The following FAM107B variants were observed in gnomAD, a reference collection of about 807,000 sequenced individuals.
FAM107B encodes the protein protein FAM107B.
FAM107B carries 21 observed loss-of-function variants against 31.5 expected under a neutral mutation model. The ratio of observed to expected loss-of-function variants is 0.67; its 90% CI spans 0.47 to 0.96. FAM107B has a LOEUF of 0.96. Ranked by LOEUF, FAM107B falls within the 40% of genes least tolerant of loss-of-function variation. FAM107B has a pLI of 0.00. For synonymous variants in FAM107B, 157 were observed against 141.5 expected (o/e 1.11, Z -0.78); for missense variants, 452 against 377.1 (o/e 1.20, Z -1.64).
intron 1 of FAM107B, among the ~76,000 whole-genome samples, chr10:14,701,115 T>A (rs778039876): frequency 6.6e-6 from 1 of 152,236 alleles, no homozygotes; most frequent in Non-Finnish European, 1.5e-5. Flanking sequence ...TGTCCTAATT[T>A]CACCTTATGT....
intron 2 of FAM107B, among the ~76,000 whole-genome samples, chr10:14,660,948 A>G (rs1313395291): frequency 6.6e-6 from 1 of 152,172 alleles, no homozygotes; most frequent in Non-Finnish European, 1.5e-5. Flanking sequence ...GCCTGGCAGG[A>G]GGTGACTGGA....
chr10:14,629,745 C>G (rs1008339554), intron 2 of FAM107B, among the ~76,000 whole-genome samples: 1 of 150,620 alleles, frequency 6.6e-6, no homozygotes, highest in Admixed American at 6.7e-5. Flanking sequence ...GATCTCCTGA[C>G]CTCATGATCT....
intron 1 of FAM107B, 67 bp downstream of exon 1, chr10:14,774,186 C>T: frequency 2.0e-6 from 3 of 1,531,404 alleles, no homozygotes; most frequent in South Asian, 2.6e-5. Flanking sequence ...CTGAAACATT[C>T]GCCACATGAT....
intron 1 of FAM107B, among the ~76,000 whole-genome samples, chr10:14,685,523 C>T (rs1854962876): frequency 6.6e-6 from 1 of 152,114 alleles, no homozygotes; most frequent in African/African-American, 2.4e-5. Context: ...CCCACAGACA[C>T]ACAACCATAA....
intron 2 of FAM107B, among the ~76,000 whole-genome samples, chr10:14,567,860 C>T (rs1439929316): frequency 2.6e-5 from 4 of 152,134 alleles, no homozygotes; most frequent in African/African-American, 9.7e-5. Context: ...AGGGTAACCT[C>T]CTCCTCCTAG....
rs1845498928 is a variant in FAM107B at position 14,520,169 on chromosome 10, T to C, written c.*1021A>G. ...AAGCTTGGATTCTAATGATATGCAT[T>C]ATCATTAGACATTCAAATGCTATAC... On this transcript the variant is annotated 3_prime_UTR_variant, in exon 5 of 5. Transcript: ENST00000181796. 1 of 152,478 alleles carries C rather than the reference T, an allele frequency of 6.6e-6. No individual in the cohort carries two copies. The highest frequency in any genetic ancestry group is 1.5e-5 in the Non-Finnish European group (1 of 68,042). The allele number at this position is 152,478 out of a possible 1,614,324, so 9.4% of individuals were successfully genotyped here. A position where few individuals can be genotyped will look rare whatever the true frequency, so the allele number is the denominator to read the frequency against.
At position 14,723,863 on chromosome 10, in the gene FAM107B, C is replaced by T. The variant is rs145603472; in HGVS notation, c.411+50390G>A. 2.9e-4 allele frequency: 221 copies of T among 754,264 alleles called. No homozygotes were observed. The East Asian group carries it at 3.6e-3, about 12-fold the overall frequency. The allele number at this position is 754,264 out of a possible 1,614,324, so 46.7% of individuals were successfully genotyped here. On this transcript the variant is annotated intron_variant, in intron 1 of 4. Transcript: ENST00000181796. ...TCAGCAGGGTTTTCAATGGCAACAA[C>T]GGCATGAACTGCCAGCAGAAGCTTC...
At chr10:14,640,172 G>C (rs1339942543) in intron 2 of FAM107B, among the ~76,000 whole-genome samples, 1 of 152,208 alleles carries the variant, frequency 6.6e-6, no homozygotes, top group Non-Finnish European at 1.5e-5. Flanking sequence ...CAGCCTTTGA[G>C]ATGAGGACTA....
At chr10:14,554,164 T>C (rs983613390) in intron 2 of FAM107B, 1 of 983,508 alleles carries the variant, frequency 1.0e-6, no homozygotes, top group African/African-American at 1.7e-5. Flanking sequence ...AAATGGGCTT[T>C]TTCTTTATCT....
chr10:14,766,322 A>C (rs1250775647), intron 1 of FAM107B, among the ~76,000 whole-genome samples: 4 of 152,230 alleles, frequency 2.6e-5, no homozygotes, highest in Non-Finnish European at 5.9e-5. Context: ...AGGAGAGCAA[A>C]GGAAAAGTTA....
At chr10:14,695,682 C>A (rs1430159464) in intron 1 of FAM107B, among the ~76,000 whole-genome samples, 1 of 152,112 alleles carries the variant, frequency 6.6e-6, no homozygotes, top group African/African-American at 2.4e-5. Context: ...TTATAGTTTT[C>A]AGTGTACAAA....
intron 1 of FAM107B, among the ~76,000 whole-genome samples, chr10:14,754,186 G>C (rs186813794): frequency 1.3e-5 from 2 of 152,114 alleles, no homozygotes; most frequent in African/African-American, 4.8e-5. Flanking sequence ...TGATCCACCC[G>C]TGTCAGCCTC....
At chr10:14,649,885 A>G (rs1853856175) in intron 2 of FAM107B, among the ~76,000 whole-genome samples, 1 of 152,222 alleles carries the variant, frequency 6.6e-6, no homozygotes, top group South Asian at 2.1e-4. Flanking sequence ...ACCATTACAC[A>G]TAATAAGGGC....
At chr10:14,748,902 C>G (rs1358094329) in intron 1 of FAM107B, among the ~76,000 whole-genome samples, 1 of 152,234 alleles carries the variant, frequency 6.6e-6, no homozygotes, top group African/African-American at 2.4e-5. Flanking sequence ...CTGAGCAACC[C>G]CCAGAGGGAC....
At chr10:14,752,435 G>A (rs1027830504) in intron 1 of FAM107B, among the ~76,000 whole-genome samples, 4 of 152,190 alleles carry the variant, frequency 2.6e-5, no homozygotes, top group African/African-American at 9.7e-5. Flanking sequence ...CGAGTGTTTT[G>A]CTTCTTTTCT....
intron 2 of FAM107B, among the ~76,000 whole-genome samples, chr10:14,553,709 A>C (rs866094751): frequency 6.6e-6 from 1 of 152,252 alleles, no homozygotes; most frequent in Non-Finnish European, 1.5e-5. Flanking sequence ...TGAGAAACTC[A>C]GCCCAGCTCT....
intron 1 of FAM107B, among the ~76,000 whole-genome samples, chr10:14,763,457 C>T (rs1468572337): frequency 6.6e-6 from 1 of 152,152 alleles, no homozygotes; most frequent in Non-Finnish European, 1.5e-5. Flanking sequence ...CCCCACGTGC[C>T]TCTAATTGTT....
At chr10:14,720,984 T>C (rs1177989220) in intron 1 of FAM107B, among the ~76,000 whole-genome samples, 3 of 152,108 alleles carry the variant, frequency 2.0e-5, no homozygotes, top group African/African-American at 7.2e-5. Context: ...CCCAATGCTA[T>C]CCCTCCCCCA....
chr10:14,747,678 G>A (rs1334913163), intron 1 of FAM107B, among the ~76,000 whole-genome samples: 2 of 152,114 alleles, frequency 1.3e-5, no homozygotes, highest in African/African-American at 4.8e-5. Flanking sequence ...CCTTCCTCTG[G>A]GATCTCTGTC....
Sources: allele counts gnomAD v4.1 joint callset (sites outside exome capture counted in the v4.1 genomes callset), GRCh38; gene constraint gnomAD v4.1.1; transcripts MANE v1.5; gene names NCBI Gene and HGNC (gene_info 2026-07-23, HGNC 2026-07-21).